Variants in GOSR1 observed in about 807,000 individuals in gnomAD.
GOSR1 encodes the protein 28 kDa Golgi SNARE protein.
GOSR1 carries 21 observed loss-of-function variants against 35.5 expected under a neutral mutation model. The ratio of observed to expected loss-of-function variants is 0.59; its 90% CI spans 0.42 to 0.85. GOSR1 has a LOEUF of 0.85. GOSR1 is among the 40% of genes least tolerant of loss of function. The pLI, the probability that GOSR1 is intolerant of heterozygous loss-of-function variation, is 0.00. For synonymous variants in GOSR1, 94 were observed against 106.6 expected (o/e 0.88, Z 0.73); for missense variants, 285 against 309.6 (o/e 0.92, Z 0.60).
In GOSR1 at chr17:30,481,060, T is replaced by G. The variant is rs1914312370; in HGVS notation, c.32-83T>G. 1.0e-5 allele frequency: 9 copies of G among 888,230 alleles called. 1 individual carries two copies. The highest frequency in any genetic ancestry group is 3.3e-5 in the African/African-American group (2 of 60,758). The allele number at this position is 888,230 out of a possible 1,614,324, so 55.0% of individuals were successfully genotyped here. A position where few individuals can be genotyped will look rare whatever the true frequency, so the allele number is the denominator to read the frequency against. ...CAAGATCAGTATATGATCATTTTCA[T>G]AGTTTGTTTTCTTTAGAATGGTGCT... On this transcript the variant is annotated intron_variant, in intron 1 of 8. Transcript: ENST00000451249.
chr17:30,477,485 G>A (rs1279695809), intron 1 of GOSR1, 21 bp downstream of exon 1: 1 of 1,605,262 alleles, frequency 6.2e-7, no homozygotes, highest in Non-Finnish European at 8.5e-7. Flanking sequence ...GAAGGCCTCC[G>A]GGTGCGTCCT....
chr17:30,512,337 G>C (rs1232317345), intron 7 of GOSR1, among the ~76,000 whole-genome samples: 1 of 152,100 alleles, frequency 6.6e-6, no homozygotes, highest in East Asian at 1.9e-4. Flanking sequence ...TTCTTTTTTA[G>C]CTTTTTATTT....
chr17:30,481,296 T>A, intron 2 of GOSR1, 39 bp downstream of exon 2: 1 of 1,498,890 alleles, frequency 6.7e-7, no homozygotes, highest in Non-Finnish European at 9.1e-7. Flanking sequence ...ATGCCTTAAC[T>A]GTGTTTTTAA....
chr17:30,506,221 T>C (rs1967398374), intron 6 of GOSR1, among the ~76,000 whole-genome samples: 1 of 152,202 alleles, frequency 6.6e-6, no homozygotes, highest in African/African-American at 2.4e-5. Context: ...CCACTACCTT[T>C]AGTGAAGAAA....
In GOSR1 at chr17:30,525,004, T is replaced by A. The variant is rs539581154; in HGVS notation, c.*2626T>A. On this transcript the variant is annotated 3_prime_UTR_variant, in exon 9 of 9. Transcript: ENST00000451249. ...TTTTAAGCCAGCCACCAGAATTCTT[T>A]TCGAGTTAACCATTTCTTAGTTTCT... is the stretch of plus-strand genomic sequence containing the variant. 6.6e-6 allele frequency: 1 copy of A among 152,362 alleles called. No homozygotes were observed. The highest frequency in any genetic ancestry group is 6.5e-5 in the Admixed American group (1 of 15,308). The allele number at this position is 152,362 out of a possible 1,614,324, so 9.4% of individuals were successfully genotyped here. A position where few individuals can be genotyped will look rare whatever the true frequency, so the allele number is the denominator to read the frequency against.
At chr17:30,480,236 G>T (rs977328784) in intron 1 of GOSR1, 1 of 151,896 alleles carries the variant, frequency 6.6e-6, no homozygotes, top group Non-Finnish European at 1.5e-5. Context: ...CTTGAACCCA[G>T]GAGGTGGAGT....
intron 7 of GOSR1, among the ~76,000 whole-genome samples, chr17:30,518,437 TA>T (rs35597510): frequency 0.6 from 88,943 of 147,694 alleles, 27,492 homozygotes; most frequent in East Asian, 0.81. Context: ...TCTCTTGATT[TA>T]AAAAAAAAAA....
chr17:30,513,676 C>T lies in GOSR1; in HGVS notation c.539+2767C>T, dbSNP rs916831083. ...GTTTGAAAAACAGAAGCAGGCCCAGCATGGTGGCTCACACCTATGATCCTA... is the reference window on the plus strand; with the variant it reads ...GTTTGAAAAACAGAAGCAGGCCCAGTATGGTGGCTCACACCTATGATCCTA... On this transcript the variant is annotated intron_variant, in intron 7 of 8. Coordinates refer to ENST00000451249, the MANE Select transcript of GOSR1 (RefSeq NM_001007025.2). Among the ~76,000 whole-genome samples the T allele has an allele frequency of 4.6e-5, 7 of 152,312 alleles. No individual in the cohort carries two copies. In the South Asian group the frequency reaches 1.5e-3, roughly 32 times the overall value.
chr17:30,490,821 G>T (rs571939813), intron 5 of GOSR1, among the ~76,000 whole-genome samples: 7 of 151,648 alleles, frequency 4.6e-5, no homozygotes, highest in Non-Finnish European at 1.0e-4. Context: ...ATCTATTCTA[G>T]CATTTCATAG....
intron 4 of GOSR1, among the ~76,000 whole-genome samples, chr17:30,485,365 C>G (rs1914616554): frequency 6.6e-6 from 1 of 151,890 alleles, no homozygotes; most frequent in Non-Finnish European, 1.5e-5. Context: ...CTCCCAAGCT[C>G]AAACAAGCCT....
intron 2 of GOSR1, 75 bp downstream of exon 2, chr17:30,481,332 A>G: frequency 4.6e-6 from 5 of 1,097,196 alleles, no homozygotes; most frequent in Middle Eastern, 2.1e-4. Flanking sequence ...ACTAAAATAT[A>G]TAACTTCTGT....
chr17:30,477,981 A>G, intron 1 of GOSR1: 1 of 964,420 alleles, frequency 1.0e-6, no homozygotes, highest in Non-Finnish European at 1.2e-6. Flanking sequence ...TTGGGTCTCC[A>G]TGACAACTAC....
chr17:30,509,211 A>G (rs1245740691), intron 6 of GOSR1, among the ~76,000 whole-genome samples: 5 of 152,040 alleles, frequency 3.3e-5, no homozygotes, highest in Non-Finnish European at 7.4e-5. Flanking sequence ...TCCTGACCTC[A>G]TGATCCACCT....
intron 3 of GOSR1, 139 bp from the exon 4 acceptor site, chr17:30,484,524 C>G (rs1057210672): frequency 3.4e-6 from 2 of 591,432 alleles, no homozygotes; most frequent in Non-Finnish European, 2.9e-6. Flanking sequence ...CTTACTTGCT[C>G]TCTTGTTTGT....
intron 5 of GOSR1, among the ~76,000 whole-genome samples, chr17:30,490,550 A>G (rs1914977524): frequency 6.6e-6 from 1 of 152,118 alleles, no homozygotes; most frequent in Non-Finnish European, 1.5e-5. Context: ...GATCCTCTGC[A>G]GATGTGTCAA....
intron 8 of GOSR1, 71 bp downstream of exon 8, chr17:30,520,092 A>G (rs1414954200): frequency 1.0e-6 from 1 of 959,806 alleles, no homozygotes; most frequent in Non-Finnish European, 1.7e-6. Context: ...GTGCTTTTAT[A>G]GGGGGCAGGT....
At chr17:30,515,385 A>G (rs1324587284) in intron 7 of GOSR1, among the ~76,000 whole-genome samples, 2 of 151,058 alleles carry the variant, frequency 1.3e-5, no homozygotes, top group South Asian at 2.1e-4. Context: ...TCCTGTGAGC[A>G]TAGGGTGGTG....
At chr17:30,516,411 A>C (rs1328850707) in intron 7 of GOSR1, among the ~76,000 whole-genome samples, 1 of 149,210 alleles carries the variant, frequency 6.7e-6, no homozygotes, top group African/African-American at 2.5e-5. Context: ...CGGAGGTTGC[A>C]GTGAGCCAAG....
intron 2 of GOSR1, chr17:30,482,926 A>G (rs1914445616): frequency 4.6e-5 from 7 of 152,182 alleles, no homozygotes; most frequent in Admixed American, 4.6e-4. Flanking sequence ...AACATTTCCC[A>G]AGAAATTCTA....
Sources: allele counts gnomAD v4.1 joint callset (sites outside exome capture counted in the v4.1 genomes callset), GRCh38; gene constraint gnomAD v4.1.1; transcripts MANE v1.5; gene names NCBI Gene and HGNC (gene_info 2026-07-23, HGNC 2026-07-21).